The following PTPRT variants were observed in gnomAD, a reference collection of about 807,000 sequenced individuals.
The protein encoded by PTPRT is protein tyrosine phosphatase receptor type T, also known as receptor-type tyrosine-protein phosphatase T.
A neutral mutation model predicts 176.8 loss-of-function variants in PTPRT; 56 were observed. That is an observed-to-expected ratio of 0.32 (90% CI 0.26 to 0.40). The LOEUF is 0.40. PTPRT is among the 10% of genes least tolerant of loss of function. The pLI, the probability that PTPRT is intolerant of heterozygous loss-of-function variation, is 1.00. For synonymous variants in PTPRT, 783 were observed against 739.0 expected (o/e 1.06, Z -0.96); for missense variants, 1,540 against 1,908.2 (o/e 0.81, Z 3.60).
intron 15 of PTPRT, among the ~76,000 whole-genome samples, chr20:42,232,548 G>A (rs1402029129): frequency 6.6e-6 from 1 of 152,004 alleles, no homozygotes; most frequent in Non-Finnish European, 1.5e-5. Flanking sequence ...AGCACATGGG[G>A]GGCCATCATT....
intron 2 of PTPRT, among the ~76,000 whole-genome samples, chr20:42,845,005 A>T (rs2078344185): frequency 6.6e-6 from 1 of 152,096 alleles, no homozygotes. Flanking sequence ...GCTTTGCTTG[A>T]CGGGGACCAT....
intron 11 of PTPRT, among the ~76,000 whole-genome samples, chr20:42,348,913 C>T (rs893925470): frequency 3.3e-5 from 5 of 152,028 alleles, no homozygotes; most frequent in Non-Finnish European, 5.9e-5. Flanking sequence ...TTGAGTCTTA[C>T]GATATATAAG....
chr20:42,045,467 A>C, the PTPRT span, among the ~76,000 whole-genome samples: 5 of 150,854 alleles, frequency 3.3e-5, no homozygotes, highest in African/African-American at 2.4e-5. Flanking sequence ...AGATTAGACA[A>C]AATAAATCAA....
intron 7 of PTPRT, among the ~76,000 whole-genome samples, chr20:42,508,789 T>G (rs2071896067): frequency 6.6e-6 from 1 of 151,300 alleles, no homozygotes; most frequent in African/African-American, 2.4e-5. Flanking sequence ...ATTGGTCCAA[T>G]AAACATATTT....
intron 18 of PTPRT, among the ~76,000 whole-genome samples, chr20:42,136,163 G>C (rs6130051): frequency 0.055 from 7,929 of 145,166 alleles, 331 homozygotes; most frequent in East Asian, 0.22. Context: ...GCTGGGGAGA[G>C]AATATTATTT....
At chr20:42,680,500 T>C (rs2075584845) in intron 6 of PTPRT, among the ~76,000 whole-genome samples, 1 of 152,222 alleles carries the variant, frequency 6.6e-6, no homozygotes, top group Non-Finnish European at 1.5e-5. Context: ...TATGGAACCT[T>C]TGATTGCCAT....
intron 1 of PTPRT, among the ~76,000 whole-genome samples, chr20:42,951,213 G>A (rs73273624): frequency 0.049 from 7,504 of 152,126 alleles, 529 homozygotes; most frequent in African/African-American, 0.15. Flanking sequence ...ATGGGTAGAT[G>A]GATGGGTGGG....
intron 1 of PTPRT, among the ~76,000 whole-genome samples, chr20:42,973,616 G>A (rs1435850596): frequency 6.6e-6 from 1 of 152,138 alleles, no homozygotes; most frequent in Non-Finnish European, 1.5e-5. Context: ...CACCTACCTG[G>A]AACAGTATCT....
chr20:42,360,493 C>T (rs1268232571), intron 9 of PTPRT, among the ~76,000 whole-genome samples: 1 of 152,216 alleles, frequency 6.6e-6, no homozygotes, highest in African/African-American at 2.4e-5. Context: ...GCCTCAACCT[C>T]CTTTCAGCTT....
intron 1 of PTPRT, among the ~76,000 whole-genome samples, chr20:43,068,922 C>T (rs1306249335): frequency 6.6e-6 from 1 of 152,154 alleles, no homozygotes; most frequent in African/African-American, 2.4e-5. Flanking sequence ...ACTGGAGTTG[C>T]AGGGTAGCAG....
chr20:42,131,308 C>T (rs926688728), intron 18 of PTPRT, among the ~76,000 whole-genome samples: 1 of 152,180 alleles, frequency 6.6e-6, no homozygotes, highest in African/African-American at 2.4e-5. Context: ...CCAGCAGTTC[C>T]AGAAGCTGTA....
chr20:43,163,454 T>C (rs548264655), intron 1 of PTPRT, among the ~76,000 whole-genome samples: 26 of 152,042 alleles, frequency 1.7e-4, no homozygotes, highest in African/African-American at 4.6e-4. Flanking sequence ...CTGGCTAACA[T>C]GGTGAAACCC....
intron 7 of PTPRT, among the ~76,000 whole-genome samples, chr20:42,503,432 A>G (rs1169794297): frequency 6.6e-6 from 1 of 152,080 alleles, no homozygotes; most frequent in Non-Finnish European, 1.5e-5. Flanking sequence ...TTTTCATGAC[A>G]TAACTATTTT....
intron 1 of PTPRT, among the ~76,000 whole-genome samples, chr20:42,908,563 TAG>T (rs950571407): frequency 6.6e-6 from 1 of 152,178 alleles, no homozygotes; most frequent in African/African-American, 2.4e-5. Context: ...TCATTTTTTA[TAG>T]AGAGACTAGA....
intron 7 of PTPRT, among the ~76,000 whole-genome samples, chr20:42,572,542 A>C (rs1425670983): frequency 6.6e-6 from 1 of 152,124 alleles, no homozygotes; most frequent in African/African-American, 2.4e-5. Flanking sequence ...TGGCCCCAAC[A>C]TCTCTCCCTT....
intron 15 of PTPRT, among the ~76,000 whole-genome samples, chr20:42,219,237 G>C (rs1358054523): frequency 6.6e-6 from 1 of 152,204 alleles, no homozygotes; most frequent in Non-Finnish European, 1.5e-5. Flanking sequence ...CTGATGGAAA[G>C]ATAAGTCTGG....
rs1018100353 is a variant in PTPRT at position 43,076,399 on chromosome 20, C to T, written c.88+113247G>A. 5.4e-5 allele frequency among the ~76,000 whole-genome samples: 8 copies of T among 149,406 alleles called. No homozygotes were observed. In the South Asian group the frequency reaches 1.3e-3, roughly 24 times the overall value. ...ATTTAATAGGATTTGATCTTCTCTT[C>T]CTTTATTTTTAATGCAAGCCAAATG... On this transcript the variant is annotated intron_variant, in intron 1 of 30. Transcript: ENST00000373187.
At chr20:42,128,978 C>G (rs1987997778) in intron 18 of PTPRT, 148 bp from the exon 19 acceptor site, 1 of 526,444 alleles carries the variant, frequency 1.9e-6, no homozygotes, top group South Asian at 7.1e-5. Context: ...AGTTACTGCT[C>G]CCATTTATAG....
At chr20:42,100,017 C>T (rs1271841783) in intron 26 of PTPRT, among the ~76,000 whole-genome samples, 1 of 152,180 alleles carries the variant, frequency 6.6e-6, no homozygotes, top group Non-Finnish European at 1.5e-5. Flanking sequence ...ATCCTTGGCT[C>T]CCATTTCTGA....
Sources: gnomAD v4.1 joint callset for allele counts (sites outside exome capture counted in the v4.1 genomes callset) on GRCh38, gnomAD v4.1.1 for gene constraint, MANE v1.5 for transcripts, NCBI Gene and HGNC (gene_info 2026-07-23, HGNC 2026-07-21) for gene names.